Variants in ANKUB1 observed in about 807,000 individuals in gnomAD.
The protein encoded by ANKUB1 is protein ANKUB1.
A neutral mutation model predicts 49.3 loss-of-function variants in ANKUB1; 42 were observed. The observed-to-expected ratio is 0.85, with a 90% CI of 0.67 to 1.10. The LOEUF (loss-of-function observed/expected upper bound fraction) is 1.10. ANKUB1 is among the 50% of genes least tolerant of loss of function. ANKUB1 has a pLI of 0.00. For missense variants in ANKUB1, 613 were observed against 642.0 expected (o/e 0.95, Z 0.49); for synonymous variants, 222 against 231.0 (o/e 0.96, Z 0.35).
At chr3:149,777,848 A>T (rs1471312598) in intron 3 of ANKUB1, among the ~76,000 whole-genome samples, 2 of 152,220 alleles carry the variant, frequency 1.3e-5, no homozygotes, top group Non-Finnish European at 2.9e-5. Flanking sequence ...TACTGTAAAC[A>T]CCCAGAGTGC....
chr3:149,786,717 C>T (rs534655590), intron 2 of ANKUB1, among the ~76,000 whole-genome samples: 104 of 152,302 alleles, frequency 6.8e-4, no homozygotes, highest in Non-Finnish European at 1.3e-3. Flanking sequence ...GGTTTTAGGT[C>T]TAACATTTAA....
chr3:149,785,415 CCA>C (rs1718047496), intron 2 of ANKUB1, among the ~76,000 whole-genome samples: 2 of 152,014 alleles, frequency 1.3e-5, no homozygotes, highest in African/African-American at 4.8e-5. Flanking sequence ...CCCCCTTCCC[CCA>C]ACCCCACGAC....
Position 149,770,296 on chromosome 3 carries a change from C to A in ANKUB1, c.566+264G>T, listed in dbSNP as rs150015386. Reference sequence around the variant, plus strand: ...GTATGGGGAGTTGGCATCCCTAACCCCTGCATTGTTCAAAGGTTAATTGTA... The same window carrying A: ...GTATGGGGAGTTGGCATCCCTAACCACTGCATTGTTCAAAGGTTAATTGTA... On this transcript the variant is annotated intron_variant, in intron 4 of 5. Transcript: ENST00000446160. 7.6e-4 allele frequency among the ~76,000 whole-genome samples: 116 copies of A among 152,170 alleles called. 1 individual carries two copies. The highest frequency in any genetic ancestry group is 1.0e-3 in the Non-Finnish European group (69 of 68,018).
At chr3:149,785,420 C>G (rs1036712426) in intron 2 of ANKUB1, among the ~76,000 whole-genome samples, 1 of 151,910 alleles carries the variant, frequency 6.6e-6, no homozygotes, top group South Asian at 2.1e-4. Context: ...TTCCCCCAAC[C>G]CCACGACAGG....
chr3:149,772,419 CA>C (rs756028564), intron 3 of ANKUB1, among the ~76,000 whole-genome samples: 6 of 152,312 alleles, frequency 3.9e-5, no homozygotes, highest in Admixed American at 3.3e-4. Flanking sequence ...GCCTCCATCT[CA>C]ACCAGTCCTG....
At chr3:149,792,169 GT>G in intron 1 of ANKUB1, 107 bp downstream of exon 1, 1 of 660,926 alleles carries the variant, frequency 1.5e-6, no homozygotes, top group Non-Finnish European at 2.2e-6. Context: ...TTCGTTCCCT[GT>G]TTGCTGAAAA....
In ANKUB1 at chr3:149,767,329, ATG is replaced by A. The variant is rs756904024; in HGVS notation, c.1331_1332del (p.Thr444IlefsTer28). The A allele has an allele frequency of 2.5e-5, 38 of 1,550,864 alleles. No individual in the cohort carries two copies. In the South Asian group the frequency reaches 4.5e-4, roughly 19 times the overall value. The part of the protein sequence containing the change: ...ARKKEKLIKN[T>X]YLPQVPLPPV... Reference sequence around the variant, plus strand: ...GGAGGGAGGGGGACTTGGGGAAGATATGTGTTTTTTATGAGCTTTTCTTTTTT... The same window carrying A: ...GGAGGGAGGGGGACTTGGGGAAGATATGTTTTTTATGAGCTTTTCTTTTTT... On this transcript the variant is annotated frameshift_variant, in exon 5 of 6. Transcript: ENST00000446160. LOFTEE classifies it high-confidence loss of function.
At chr3:149,775,582 C>T (rs774065999) in intron 3 of ANKUB1, among the ~76,000 whole-genome samples, 13 of 152,060 alleles carry the variant, frequency 8.5e-5, no homozygotes, top group Non-Finnish European at 1.3e-4. Flanking sequence ...CAACCCTGCT[C>T]CTGGAATGGT....
chr3:149,776,445 C>G (rs1717599325), intron 3 of ANKUB1, among the ~76,000 whole-genome samples: 1 of 152,196 alleles, frequency 6.6e-6, no homozygotes, highest in Non-Finnish European at 1.5e-5. Flanking sequence ...CTAACCCAAA[C>G]CATCACTCAA....
intron 3 of ANKUB1, among the ~76,000 whole-genome samples, chr3:149,773,687 C>T (rs1315153833): frequency 6.6e-6 from 1 of 152,136 alleles, no homozygotes; most frequent in Admixed American, 6.5e-5. Flanking sequence ...TTATCTCCTG[C>T]TGAAATGATC....
Position 149,777,340 on chromosome 3 carries a change from C to T in ANKUB1, c.451+2899G>A, listed in dbSNP as rs142053802. Among the ~76,000 whole-genome samples the T allele has an allele frequency of 1.1e-3, 161 of 151,536 alleles. 1 individual carries two copies. Among genetic ancestry groups the T allele is most frequent in the African/African-American group, 3.4e-3 (141 of 41,326 alleles). On this transcript the variant is annotated intron_variant, in intron 3 of 5. Coordinates refer to ENST00000446160, the MANE Select transcript of ANKUB1 (RefSeq NM_001144960.3). ...ACAAAACATTAGCTGGGAGTGGTGG[C>T]GCGTGCCTGTAGTCCCAGCTACTCA...
chr3:149,761,389 A>G lies in ANKUB1; in HGVS notation c.*95T>C. 1 of 1,361,080 alleles carries G rather than the reference A, an allele frequency of 7.3e-7. No homozygotes were observed. Among genetic ancestry groups the G allele is most frequent in the East Asian group, 2.5e-5 (1 of 39,568 alleles). The allele number at this position is 1,361,080 out of a possible 1,614,324, so 84.3% of individuals were successfully genotyped here. On this transcript the variant is annotated 3_prime_UTR_variant, in exon 6 of 6. Transcript: ENST00000446160. ...TGTGGCATTATAACTGTTACTAGAG[A>G]TGATAACATTAGAACTGTTATTAGA...
chr3:149,786,280 C>G (rs1308501924), intron 2 of ANKUB1, among the ~76,000 whole-genome samples: 12 of 152,164 alleles, frequency 7.9e-5, no homozygotes, highest in Admixed American at 6.5e-4. Flanking sequence ...CATGATCTAC[C>G]CACCTCGACC....
chr3:149,781,435 A>G (rs1348933208), intron 2 of ANKUB1, among the ~76,000 whole-genome samples: 3 of 152,294 alleles, frequency 2.0e-5, no homozygotes, highest in South Asian at 4.1e-4. Flanking sequence ...CAGGACAATA[A>G]TATTTTTCTG....
intron 1 of ANKUB1, among the ~76,000 whole-genome samples, 182 bp downstream of exon 1, chr3:149,792,095 T>G (rs754131957): frequency 2.6e-5 from 4 of 152,150 alleles, no homozygotes; most frequent in Admixed American, 6.6e-5. Context: ...TGTCCAACAC[T>G]ACCAGAGTTA....
At chr3:149,781,690 C>T (rs761584344) in intron 2 of ANKUB1, among the ~76,000 whole-genome samples, 1 of 152,206 alleles carries the variant, frequency 6.6e-6, no homozygotes, top group Non-Finnish European at 1.5e-5. Flanking sequence ...TCCTCTCCCA[C>T]ATAACACATT....
At chr3:149,778,399 C>T (rs1256588637) in intron 3 of ANKUB1, 6 of 152,104 alleles carry the variant, frequency 3.9e-5, no homozygotes, top group South Asian at 2.1e-4. Flanking sequence ...AGATGATTTG[C>T]TTTTTTTCAA....
At chr3:149,788,607 T>C (rs896162573) in intron 2 of ANKUB1, among the ~76,000 whole-genome samples, 2 of 152,168 alleles carry the variant, frequency 1.3e-5, no homozygotes, top group Non-Finnish European at 2.9e-5. Flanking sequence ...GAATTAGCAG[T>C]TTAAAACTTC....
At chr3:149,782,325 G>A (rs1354735155) in intron 2 of ANKUB1, among the ~76,000 whole-genome samples, 3 of 150,478 alleles carry the variant, frequency 2.0e-5, no homozygotes, top group Non-Finnish European at 4.4e-5. Flanking sequence ...GAACTTCTGG[G>A]CTCAAGCAGT....
Sources: gnomAD v4.1 joint callset for allele counts (sites outside exome capture counted in the v4.1 genomes callset) on GRCh38, gnomAD v4.1.1 for gene constraint, MANE v1.5 for transcripts, NCBI Gene and HGNC (gene_info 2026-07-23, HGNC 2026-07-21) for gene names.